The following COL14A1 variants were observed in gnomAD, a reference collection of about 807,000 sequenced individuals.
COL14A1 encodes collagen alpha-1(XIV) chain.
Under a neutral mutation model 230.3 loss-of-function variants are expected in COL14A1, and 136 were observed. The ratio of observed to expected loss-of-function variants is 0.59; its 90% CI spans 0.51 to 0.68. The LOEUF is 0.68. Among genes scored for constraint, COL14A1 ranks in the 30% least tolerant of loss-of-function variants. COL14A1 has a pLI of 0.00. For synonymous variants in COL14A1, 792 were observed against 784.1 expected, an observed-to-expected ratio of 1.01 and a Z score of -0.17; for missense variants, 1,976 against 2,215.8, an observed-to-expected ratio of 0.89 and a Z score of 2.17.
intron 3 of COL14A1, among the ~76,000 whole-genome samples, chr8:120,160,761 G>C (rs893727637): frequency 6.6e-6 from 1 of 152,164 alleles, no homozygotes; most frequent in Non-Finnish European, 1.5e-5. Flanking sequence ...TCCAACTATT[G>C]TTTCTGCCAG....
chr8:120,145,608 ACT>A (rs1815067667), intron 1 of COL14A1, among the ~76,000 whole-genome samples: 2 of 152,248 alleles, frequency 1.3e-5, no homozygotes, highest in South Asian at 2.1e-4. Context: ...CAAGAGTGAG[ACT>A]CTGTCTCAAA....
intron 5 of COL14A1, among the ~76,000 whole-genome samples, chr8:120,191,867 C>A (rs1478239191): frequency 6.6e-6 from 1 of 152,078 alleles, no homozygotes; most frequent in African/African-American, 2.4e-5. Flanking sequence ...AGGATTGCAA[C>A]CCCTGCCTTT....
chr8:120,252,824 G>A (rs1280585201), intron 22 of COL14A1, among the ~76,000 whole-genome samples: 1 of 152,090 alleles, frequency 6.6e-6, no homozygotes. Context: ...AGCAAGAGTG[G>A]GCCATATATT....
In COL14A1 at chr8:120,280,711, C is replaced by A. The variant is rs1820006520; in HGVS notation, c.3647C>A (p.Thr1216Asn). Residue 1216 changes from threonine to asparagine, a missense_variant and splice_region_variant, in exon 30 of 48, where the codon ACC becomes AAC. Coordinates refer to ENST00000297848, the MANE Select transcript of COL14A1 (RefSeq NM_021110.4). The stretch of plus-strand genomic sequence containing the variant: ...TTATTTTGTTTGTTTGGTTTTCCAG[C>A]CTGTCCAGTGGTACACAAGGATGGC... Reference protein sequence around the residue: ...ITFVCETASATCPVVHKDGID... With the variant: ...ITFVCETASANCPVVHKDGID... 1.2e-6 allele frequency: 2 copies of A among 1,612,934 alleles called. No homozygotes were observed. The highest frequency in any genetic ancestry group is 1.3e-5 in the African/African-American group (1 of 74,840).
intron 1 of COL14A1, among the ~76,000 whole-genome samples, chr8:120,145,801 TA>T (rs1815073744): frequency 6.6e-6 from 1 of 152,150 alleles, no homozygotes; most frequent in African/African-American, 2.4e-5. Context: ...AGTAGGTAAA[TA>T]AGTTGTGATA....
intron 33 of COL14A1, among the ~76,000 whole-genome samples, chr8:120,286,298 T>C (rs966042988): frequency 6.6e-6 from 1 of 152,166 alleles, no homozygotes; most frequent in Non-Finnish European, 1.5e-5. Flanking sequence ...AAAAGATTGC[T>C]GGTCTAGCTG....
chr8:120,360,928 G>A (rs111791267), intron 45 of COL14A1, among the ~76,000 whole-genome samples: 1 of 152,028 alleles, frequency 6.6e-6, no homozygotes, highest in South Asian at 2.1e-4. Flanking sequence ...TACAAAGAAG[G>A]GCAAACCCCA....
chr8:120,176,292 C>T (rs1816281149), intron 5 of COL14A1, among the ~76,000 whole-genome samples: 1 of 152,124 alleles, frequency 6.6e-6, no homozygotes, highest in Non-Finnish European at 1.5e-5. Context: ...GAATTCTACC[C>T]TCATGGAGCT....
chr8:120,348,169 G>GTATATATA (rs532464787), intron 45 of COL14A1, among the ~76,000 whole-genome samples: 1 of 102,906 alleles, frequency 9.7e-6, no homozygotes, highest in Non-Finnish European at 2.0e-5. Context: ...AAACTGTGGT[G>GTATATATA]TATATATATA....
chr8:120,225,096 C>T lies in COL14A1; in HGVS notation c.1746C>T (p.Val582=), dbSNP rs1281787514. The T allele has an allele frequency of 1.2e-5, 20 of 1,609,834 alleles. No individual in the cohort carries two copies. Among genetic ancestry groups the T allele is most frequent in the East Asian group, 2.2e-5 (1 of 44,728 alleles). ...ACTTATTTCTTTGACAGGTTGAAGT[C>T]GATCCTATTACTACCTTCCCTCTGA... ...ADGTEINEVE[V]DPITTFPLKG... Residue 582 remains valine (V), a synonymous_variant, in exon 15 of 48, where the codon GTC becomes GTT. Transcript: ENST00000297848.
In COL14A1 at chr8:120,276,015, AAG is replaced by A. The variant is rs571069199; in HGVS notation, c.3214-2094_3214-2093del. Reference sequence around the variant, plus strand: ...AAAGGAAAAGAAGTCATTATGTCAAAAGACACCAGTAAACATATGTTTATTTT... The same window carrying A: ...AAAGGAAAAGAAGTCATTATGTCAAAACACCAGTAAACATATGTTTATTTT... On this transcript the variant is annotated intron_variant, in intron 26 of 47. Transcript: ENST00000297848. 2.7e-3 allele frequency among the ~76,000 whole-genome samples: 406 copies of A among 152,092 alleles called. 2 individuals are homozygous for A. The highest frequency in any genetic ancestry group is 0.01 in the Middle Eastern group (3 of 294).
intron 45 of COL14A1, among the ~76,000 whole-genome samples, chr8:120,363,184 T>C (rs1040086641): frequency 6.6e-6 from 1 of 152,072 alleles, no homozygotes; most frequent in Non-Finnish European, 1.5e-5. Flanking sequence ...CCAACCCAAA[T>C]GGCCATCAAT....
chr8:120,314,258 C>A (rs1422938045), intron 38 of COL14A1, among the ~76,000 whole-genome samples: 8 of 152,172 alleles, frequency 5.3e-5, no homozygotes, highest in Non-Finnish European at 2.9e-5. Flanking sequence ...CATCCGCAAG[C>A]ATTGTGTCTA....
chr8:120,212,732 C>T (rs1817649229), intron 13 of COL14A1, among the ~76,000 whole-genome samples, 155 bp downstream of exon 13: 1 of 152,138 alleles, frequency 6.6e-6, no homozygotes, highest in African/African-American at 2.4e-5. Context: ...AAATGTATTT[C>T]TTATATATTA....
chr8:120,212,717 C>A, intron 13 of COL14A1, 140 bp downstream of exon 13: 1 of 884,980 alleles, frequency 1.1e-6, no homozygotes, highest in Non-Finnish European at 1.7e-6. Flanking sequence ...CTATTTAGGG[C>A]AAGGAAATGT....
intron 42 of COL14A1, 149 bp from the exon 43 acceptor site, chr8:120,341,176 T>C (rs1822281700): frequency 9.4e-6 from 7 of 743,580 alleles, no homozygotes; most frequent in Non-Finnish European, 1.6e-5. Flanking sequence ...TACTGGTTGC[T>C]GTTTATTTTC....
At chr8:120,327,284 C>T (rs535224536) in intron 40 of COL14A1, among the ~76,000 whole-genome samples, 1 of 152,228 alleles carries the variant, frequency 6.6e-6, no homozygotes, top group Admixed American at 6.5e-5. Flanking sequence ...GATAATTGCC[C>T]TTGGAAATGT....
At chr8:120,163,505 T>C (rs968515346) in intron 4 of COL14A1, among the ~76,000 whole-genome samples, 8 of 152,338 alleles carry the variant, frequency 5.3e-5, no homozygotes, top group African/African-American at 1.9e-4. Context: ...GACTCATGCC[T>C]GTAATCCCAG....
intron 40 of COL14A1, among the ~76,000 whole-genome samples, chr8:120,325,195 C>A (rs560685331): frequency 6.6e-5 from 10 of 152,040 alleles, no homozygotes; most frequent in Non-Finnish European, 1.3e-4. Flanking sequence ...TGCTCATAGG[C>A]AAATGTTTTT....
Sources: gnomAD v4.1 joint callset for allele counts (sites outside exome capture counted in the v4.1 genomes callset) on GRCh38, gnomAD v4.1.1 for gene constraint, MANE v1.5 for transcripts, NCBI Gene and HGNC (gene_info 2026-07-23, HGNC 2026-07-21) for gene names.